Variants in ITPR1 observed in about 807,000 individuals in gnomAD.
ITPR1 encodes the protein inositol 1,4,5-trisphosphate receptor type 1.
Under a neutral mutation model 318.4 loss-of-function variants are expected in ITPR1, and 96 were observed. The observed-to-expected ratio is 0.30, with a 90% CI of 0.26 to 0.36. The LOEUF (loss-of-function observed/expected upper bound fraction) is 0.36, where lower values mean the gene tolerates loss of function less well. Ranked by LOEUF, ITPR1 falls within the 10% of genes least tolerant of loss-of-function variation. The pLI is 1.00. For synonymous variants in ITPR1, 1,312 were observed against 1,289.9 expected, an observed-to-expected ratio of 1.02 and a Z score of -0.37; for missense variants, 2,440 against 3,460.2, an observed-to-expected ratio of 0.71 and a Z score of 7.40.
chr3:4,831,405 A>C (rs1269828026), intron 60 of ITPR1: 1 of 181,890 alleles, frequency 5.5e-6, no homozygotes, highest in Non-Finnish European at 1.2e-5. Context: ...GGATTGTAGG[A>C]GGACCGGGGC....
At chr3:4,699,991 G>A in intron 35 of ITPR1, 50 bp downstream of exon 35, 1 of 1,570,734 alleles carries the variant, frequency 6.4e-7, no homozygotes, top group Non-Finnish European at 8.7e-7. Flanking sequence ...ACCTTCTGCA[G>A]TTGGGCTTGA....
intron 42 of ITPR1, among the ~76,000 whole-genome samples, chr3:4,728,685 G>C (rs375881879): frequency 1.3e-5 from 2 of 152,118 alleles, no homozygotes; most frequent in Non-Finnish European, 2.9e-5. Context: ...AGCAGGTCTT[G>C]TTCATTTTTT....
intron 55 of ITPR1, among the ~76,000 whole-genome samples, chr3:4,809,800 G>A (rs2048822867): frequency 6.6e-6 from 1 of 152,186 alleles, no homozygotes; most frequent in Non-Finnish European, 1.5e-5. Context: ...GAAAACAAGT[G>A]CCATTTGTTT....
intron 4 of ITPR1, among the ~76,000 whole-genome samples, chr3:4,609,356 G>T (rs981107736): frequency 1.3e-5 from 2 of 151,776 alleles, no homozygotes; most frequent in African/African-American, 2.4e-5. Context: ...TAAAAGGTAA[G>T]CAAAGGAAAC....
intron 1 of ITPR1, 140 bp downstream of exon 1, chr3:4,493,745 A>AT (rs2080320050): frequency 6.6e-6 from 1 of 152,234 alleles, no homozygotes; most frequent in Non-Finnish European, 1.5e-5. Flanking sequence ...TACTGCGGGC[A>AT]GTTGTTTTGG....
chr3:4,706,036 G>A, intron 36 of ITPR1, 131 bp from the exon 37 acceptor site: 1 of 839,202 alleles, frequency 1.2e-6, no homozygotes, highest in Non-Finnish European at 1.9e-6. Context: ...CAGTCTTTAA[G>A]CTCAATACCA....
chr3:4,588,503 C>T (rs983192513), intron 4 of ITPR1, among the ~76,000 whole-genome samples: 50 of 152,202 alleles, frequency 3.3e-4, no homozygotes, highest in African/African-American at 1.2e-3. Flanking sequence ...TCTGGATCTC[C>T]CTGACTCTCT....
chr3:4,638,633 A>G (rs2093261693), intron 5 of ITPR1, among the ~76,000 whole-genome samples: 1 of 152,248 alleles, frequency 6.6e-6, no homozygotes, highest in Admixed American at 6.5e-5. Flanking sequence ...TATTAAGCGA[A>G]GATTTAAATG....
At chr3:4,784,094 G>A (rs997947711) in intron 51 of ITPR1, among the ~76,000 whole-genome samples, 174 bp downstream of exon 51, 1 of 152,138 alleles carries the variant, frequency 6.6e-6, no homozygotes, top group Non-Finnish European at 1.5e-5. Flanking sequence ...AGTCATTATT[G>A]CTGCTTGTGG....
intron 33 of ITPR1, among the ~76,000 whole-genome samples, chr3:4,695,416 C>T (rs780408882): frequency 1.2e-4 from 18 of 151,390 alleles, no homozygotes; most frequent in South Asian, 4.2e-4. Flanking sequence ...TGAAATACAA[C>T]GGAAGTGCAA....
chr3:4,644,675 A>G (rs557988906), intron 8 of ITPR1, among the ~76,000 whole-genome samples: 3 of 152,196 alleles, frequency 2.0e-5, no homozygotes, highest in Non-Finnish European at 4.4e-5. Context: ...CTTCTCCTCT[A>G]AATTAGCAAT....
intron 4 of ITPR1, among the ~76,000 whole-genome samples, chr3:4,552,318 C>G (rs7618458): frequency 0.49 from 74,218 of 152,058 alleles, 19,802 homozygotes; most frequent in Admixed American, 0.61. Context: ...CACCTCCCAC[C>G]TGACACACCA....
At chr3:4,721,050 A>T (rs7639927) in intron 40 of ITPR1, among the ~76,000 whole-genome samples, 71,144 of 150,736 alleles carry the variant, frequency 0.47, 18,184 homozygotes, top group East Asian at 0.83. Flanking sequence ...AGACACTGGC[A>T]ACCACAGAGC....
chr3:4,788,419 C>T (rs1466375688), intron 52 of ITPR1, among the ~76,000 whole-genome samples: 2 of 152,160 alleles, frequency 1.3e-5, no homozygotes, highest in African/African-American at 2.4e-5. Context: ...CTTTTGATAT[C>T]TCTATCTAGA....
chr3:4,536,969 G>T lies in ITPR1; in HGVS notation c.163+15875G>T, dbSNP rs139363552. Among the ~76,000 whole-genome samples the T allele has an allele frequency of 8.5e-4, 125 of 146,298 alleles. No individual in the cohort carries two copies. The Middle Eastern group carries it at 0.01, about 12-fold the overall frequency. ...GGGGGATTTTTTGGGGTCAATCCCA[G>T]ACGAACAGCTGAATTGCATGAAGGA... On this transcript the variant is annotated intron_variant, in intron 4 of 61. Transcript: ENST00000649015.
At position 4,624,957 on chromosome 3, in the gene ITPR1, C is replaced by T. The variant is rs374091276; in HGVS notation, c.164-2806C>T. On this transcript the variant is annotated intron_variant, in intron 4 of 61. Coordinates refer to ENST00000649015, the MANE Select transcript of ITPR1 (RefSeq NM_001378452.1). The stretch of plus-strand genomic sequence containing the variant: ...AATTGCCACTAATATAGCAAATGAC[C>T]ATGACCTGTGTCTTTCCTAAGAGGT... Among the ~76,000 whole-genome samples, 3 of 152,246 alleles carry T rather than the reference C, an allele frequency of 2.0e-5. No individual in the cohort carries two copies. The East Asian group carries it at 5.8e-4, about 29-fold the overall frequency.
rs2093635073 is a variant in ITPR1, at chr3:4,653,175, AGACCCCCACTGTTGTCTGG to A, written c.952-662_952-644del. Among the ~76,000 whole-genome samples, 4 of 152,196 alleles carry A rather than the reference AGACCCCCACTGTTGTCTGG, an allele frequency of 2.6e-5. No individual in the cohort carries two copies. In the South Asian group the frequency reaches 8.3e-4, roughly 32 times the overall value. The stretch of plus-strand genomic sequence containing the variant: ...TATCAGATTCTAGTCGTGCATCAAA[AGACCCCCACTGTTGTCTGG>A]GACCACCCATGAGACTACTGAGAGA... On this transcript the variant is annotated intron_variant, in intron 11 of 61. Transcript: ENST00000649015.
rs147919819 is a variant in ITPR1 at position 4,720,345 on chromosome 3, G to A, written c.5136+2946G>A. 3.0e-3 allele frequency among the ~76,000 whole-genome samples: 454 copies of A among 152,328 alleles called. 4 individuals are homozygous for A. The highest frequency in any genetic ancestry group is 0.01 in the African/African-American group (424 of 41,568). ...TACCTAAGCAGGGAGGCCAGGTAGC[G>A]GCTTAGGAGATCAGGTGATGACAGG... On this transcript the variant is annotated intron_variant, in intron 40 of 61. Transcript: ENST00000649015.
intron 10 of ITPR1, among the ~76,000 whole-genome samples, chr3:4,651,638 A>G (rs369562962): frequency 6.6e-6 from 1 of 152,218 alleles, no homozygotes; most frequent in East Asian, 1.9e-4. Flanking sequence ...ACCAACTACC[A>G]CTGCTAGTTA....
Sources: allele counts gnomAD v4.1 joint callset (sites outside exome capture counted in the v4.1 genomes callset), GRCh38; gene constraint gnomAD v4.1.1; transcripts MANE v1.5; gene names NCBI Gene and HGNC (gene_info 2026-07-23, HGNC 2026-07-21).